The following SLC45A4 variants were observed in gnomAD, a reference collection of about 807,000 sequenced individuals.
SLC45A4 encodes solute carrier family 45 member 4.
Under a neutral mutation model 63.7 loss-of-function variants are expected in SLC45A4, and 32 were observed. The observed-to-expected ratio is 0.50, with a 90% CI of 0.38 to 0.67. SLC45A4 has a LOEUF of 0.67. SLC45A4 is among the 30% of genes least tolerant of loss of function. SLC45A4 has a pLI of 0.00. For missense variants in SLC45A4, 1,027 were observed against 1,157.7 expected, an observed-to-expected ratio of 0.89 and a Z score of 1.64; for synonymous variants, 535 against 510.0, an observed-to-expected ratio of 1.05 and a Z score of -0.66.
intron 2 of SLC45A4, among the ~76,000 whole-genome samples, chr8:141,244,803 C>T (rs1196375270): frequency 1.3e-5 from 2 of 152,090 alleles, no homozygotes; most frequent in Admixed American, 6.5e-5. Flanking sequence ...GGGCTCAGGA[C>T]GGGACACACA....
chr8:141,275,622 C>A (rs984572179), intron 1 of SLC45A4, among the ~76,000 whole-genome samples: 7 of 149,554 alleles, frequency 4.7e-5, no homozygotes, highest in East Asian at 2.0e-4. Flanking sequence ...AAAAAAAAAA[C>A]AACAACAACC....
At position 141,267,053 on chromosome 8, in the gene SLC45A4, T is replaced by C. The variant is rs369028230; in HGVS notation, c.-400-12424A>G. On this transcript the variant is annotated intron_variant, in intron 1 of 8. Transcript: ENST00000517878. ...GAGCCCCAGGACAGCGGTGGGCAGG[T>C]CCCTGAACTGCGGGGGCTGGCAGGA... Among the ~76,000 whole-genome samples, 68 of 152,292 alleles carry C rather than the reference T, an allele frequency of 4.5e-4. No homozygotes were observed. In the Middle Eastern group the frequency reaches 0.014, roughly 30 times the overall value.
At chr8:141,240,219 C>T (rs73713393) in intron 2 of SLC45A4, among the ~76,000 whole-genome samples, 1,810 of 152,326 alleles carry the variant, frequency 0.012, 34 homozygotes, top group African/African-American at 0.039. Flanking sequence ...TATTCATTCT[C>T]GGATGTTCTA....
chr8:141,237,890 T>A (rs1827711579), intron 2 of SLC45A4, among the ~76,000 whole-genome samples: 1 of 152,228 alleles, frequency 6.6e-6, no homozygotes, highest in East Asian at 1.9e-4. Flanking sequence ...GACGAAAGAA[T>A]AACAGGCGTG....
chr8:141,207,404 TAGAAG>T lies in SLC45A4; in HGVS notation c.*4163_*4167del, dbSNP rs1425722308. The T allele has an allele frequency of 2.0e-5, 3 of 152,128 alleles. No individual in the cohort carries two copies. Among genetic ancestry groups the T allele is most frequent in the African/African-American group, 4.8e-5 (2 of 41,416 alleles). 9.4% of individuals were successfully genotyped at this position (152,128 alleles called of 1,614,324 possible). A position where few individuals can be genotyped will look rare whatever the true frequency, so the allele number is the denominator to read the frequency against. ...CATGAGGCCACTGTTACCCAACTAA[TAGAAG>T]AGAGTCATGAGCGACACGACACTTC... On this transcript the variant is annotated 3_prime_UTR_variant, in exon 9 of 9. Transcript: ENST00000517878.
chr8:141,238,088 C>A (rs529918359), intron 2 of SLC45A4, among the ~76,000 whole-genome samples: 9 of 152,314 alleles, frequency 5.9e-5, no homozygotes, highest in African/African-American at 2.2e-4. Flanking sequence ...CTCTAGTGTG[C>A]GGTTAGCTGG....
intron 1 of SLC45A4, among the ~76,000 whole-genome samples, chr8:141,291,122 TG>T (rs542681157): frequency 2.6e-5 from 4 of 152,118 alleles, no homozygotes; most frequent in Non-Finnish European, 1.5e-5. Flanking sequence ...GTGCTGGGGG[TG>T]ATCCACCCAC....
intron 1 of SLC45A4, among the ~76,000 whole-genome samples, chr8:141,274,534 C>CAAA (rs35503591): frequency 1.6e-4 from 15 of 93,924 alleles, no homozygotes; most frequent in Non-Finnish European, 2.4e-4. Context: ...AACTCGGTCT[C>CAAA]AAAAAAAAAA....
chr8:141,271,974 G>A (rs1037789518), intron 1 of SLC45A4, among the ~76,000 whole-genome samples: 11 of 148,376 alleles, frequency 7.4e-5, no homozygotes, highest in Middle Eastern at 3.4e-3. Flanking sequence ...ACACACCTGC[G>A]TACACACATG....
At chr8:141,249,779 T>C (rs1049134654) in intron 2 of SLC45A4, among the ~76,000 whole-genome samples, 2 of 152,206 alleles carry the variant, frequency 1.3e-5, no homozygotes, top group Non-Finnish European at 2.9e-5. Context: ...AAAACTTTGG[T>C]CACTACGTTG....
rs558739702 is a variant in SLC45A4, at chr8:141,227,090, G to A, written c.242-5325C>T. 18 of 152,334 alleles carry A rather than the reference G, an allele frequency of 1.2e-4. No homozygotes were observed. Among genetic ancestry groups the A allele is most frequent in the South Asian group, 4.1e-4 (2 of 4,832 alleles). The allele number at this position is 152,334 out of a possible 1,614,324, so 9.4% of individuals were successfully genotyped here. On this transcript the variant is annotated intron_variant, in intron 2 of 8. Transcript: ENST00000517878. This position sits in a 1 kb window ranked among gnomAD's most constrained non-coding sequence, Gnocchi z 4.4. The stretch of plus-strand genomic sequence containing the variant: ...GCTCTGACGGGGCATTTCCCAGCCC[G>A]GCTCCAAACACACACAACGCTGGGC...
intron 3 of SLC45A4, among the ~76,000 whole-genome samples, chr8:141,220,946 G>A (rs991443537): frequency 3.3e-5 from 5 of 152,230 alleles, no homozygotes; most frequent in Non-Finnish European, 2.9e-5. Flanking sequence ...TGTTGGCGAC[G>A]AAGCCCACCC....
intron 1 of SLC45A4, among the ~76,000 whole-genome samples, chr8:141,293,368 C>A (rs1443035618): frequency 2.0e-5 from 3 of 151,868 alleles, no homozygotes; most frequent in Non-Finnish European, 4.4e-5. Flanking sequence ...GCAAGAGAAT[C>A]ACTCAAACCC....
At chr8:141,262,116 A>G (rs1273052588) in intron 1 of SLC45A4, among the ~76,000 whole-genome samples, 1 of 151,814 alleles carries the variant, frequency 6.6e-6, no homozygotes, top group Non-Finnish European at 1.5e-5. Flanking sequence ...AGAAATTGGG[A>G]AAGGATTCCC....
Position 141,215,644 on chromosome 8 carries a change from A to T in SLC45A4, c.1941+115T>A. 9.6e-7 allele frequency: 1 copy of T among 1,047,078 alleles called. No homozygotes were observed. Among genetic ancestry groups the T allele is most frequent in the Non-Finnish European group, 1.4e-6 (1 of 707,006 alleles). 64.9% of individuals were successfully genotyped at this position (1,047,078 alleles called of 1,614,324 possible). A position where few individuals can be genotyped will look rare whatever the true frequency, so the allele number is the denominator to read the frequency against. ...GGGGCCATCTCAGAACCGGAGAGGA[A>T]GGAGGGCCATCTGTGTCGTGAACGT... On this transcript the variant is annotated intron_variant, in intron 7 of 8. Transcript: ENST00000517878. This position sits in a 1 kb window ranked among gnomAD's most constrained non-coding sequence, Gnocchi z 4.3.
intron 1 of SLC45A4, among the ~76,000 whole-genome samples, chr8:141,288,740 C>A (rs1314938542): frequency 6.6e-6 from 1 of 152,238 alleles, no homozygotes; most frequent in African/African-American, 2.4e-5. Context: ...GGAACCTATG[C>A]TCTTGGGGCA....
rs551337057 is a variant in SLC45A4 at position 141,255,816 on chromosome 8, G to A, written c.-400-1187C>T. Among the ~76,000 whole-genome samples the A allele has an allele frequency of 6.6e-5, 10 of 152,036 alleles. No individual in the cohort carries two copies. The South Asian group carries it at 1.9e-3, about 28-fold the overall frequency. ...ATGAGCATAGCATGATTCTCTGTCC[G>A]GGGGGAGTTCGAAGTCTACCCAAAG... is the stretch of plus-strand genomic sequence containing the variant. On this transcript the variant is annotated intron_variant, in intron 1 of 8. Transcript: ENST00000517878.
intron 1 of SLC45A4, among the ~76,000 whole-genome samples, chr8:141,280,696 G>A (rs1829901076): frequency 6.6e-6 from 1 of 152,210 alleles, no homozygotes; most frequent in South Asian, 2.1e-4. Flanking sequence ...CTCCACCATG[G>A]GGGTTTTTGT....
intron 2 of SLC45A4, among the ~76,000 whole-genome samples, chr8:141,234,731 AACTACACTGATG>A (rs1308684684): frequency 1.3e-5 from 2 of 152,140 alleles, no homozygotes; most frequent in East Asian, 3.9e-4. Context: ...CCTCCCTGAT[AACTACACTGATG>A]ACAACAGGCT....
Sources: gnomAD v4.1 joint callset for allele counts (sites outside exome capture counted in the v4.1 genomes callset) on GRCh38, gnomAD v4.1.1 for gene constraint, Gnocchi (gnomAD v3.1) non-coding constraint, MANE v1.5 for transcripts, NCBI Gene and HGNC (gene_info 2026-07-23, HGNC 2026-07-21) for gene names.